Variants in UNC5C observed in about 807,000 individuals in gnomAD.
UNC5C encodes the protein netrin receptor UNC5C.
A neutral mutation model predicts 99.8 loss-of-function variants in UNC5C; 47 were observed. The observed-to-expected ratio is 0.47, with a 90% CI of 0.37 to 0.60. The LOEUF (loss-of-function observed/expected upper bound fraction) is 0.60. UNC5C is among the 20% of genes least tolerant of loss of function. The probability of loss-of-function intolerance (pLI) is 0.00; values close to 1 mark genes in which losing one functional copy is unlikely to be tolerated. For missense variants in UNC5C, 1,062 were observed against 1,165.9 expected (o/e 0.91, Z 1.30); for synonymous variants, 487 against 452.2 (o/e 1.08, Z -0.98).
chr4:95,391,213 T>A (rs1472302993), intron 1 of UNC5C, among the ~76,000 whole-genome samples: 1 of 152,112 alleles, frequency 6.6e-6, no homozygotes, highest in African/African-American at 2.4e-5. Context: ...AATTACCCAG[T>A]CTCAGGTATT....
chr4:95,370,711 C>T (rs547533375), intron 1 of UNC5C, among the ~76,000 whole-genome samples: 1 of 152,286 alleles, frequency 6.6e-6, no homozygotes, highest in South Asian at 2.1e-4. Context: ...GCAAACTGCA[C>T]CACCCATTGT....
intron 7 of UNC5C, among the ~76,000 whole-genome samples, chr4:95,236,949 C>A (rs1383823478): frequency 2.6e-5 from 4 of 152,172 alleles, no homozygotes; most frequent in Non-Finnish European, 5.9e-5. Context: ...TCCAGAACCA[C>A]CCCTGACCAT....
At chr4:95,342,269 G>C (rs1743607490) in intron 1 of UNC5C, among the ~76,000 whole-genome samples, 1 of 152,080 alleles carries the variant, frequency 6.6e-6, no homozygotes, top group Non-Finnish European at 1.5e-5. Context: ...TCTGCTTGAG[G>C]AGAGGAGAGG....
At chr4:95,389,478 A>T (rs13120890) in intron 1 of UNC5C, among the ~76,000 whole-genome samples, 114,798 of 152,062 alleles carry the variant, frequency 0.75, 44,151 homozygotes, top group East Asian at 0.94. Context: ...CTAGAACGAT[A>T]ATTCTATCTG....
chr4:95,181,575 C>T (rs940915430), intron 14 of UNC5C, among the ~76,000 whole-genome samples: 1 of 152,050 alleles, frequency 6.6e-6, no homozygotes, highest in Non-Finnish European at 1.5e-5. Context: ...AACACCCTCC[C>T]GAGCCAGCAG....
intron 1 of UNC5C, among the ~76,000 whole-genome samples, chr4:95,370,893 T>C (rs139640510): frequency 3.3e-5 from 5 of 152,310 alleles, no homozygotes. Context: ...TGGTCATTCG[T>C]TTTTCTAATA....
chr4:95,411,411 C>G, intron 1 of UNC5C, among the ~76,000 whole-genome samples: 1 of 152,184 alleles, frequency 6.6e-6, no homozygotes, highest in African/African-American at 2.4e-5. Context: ...CATTTCCCAA[C>G]CTTGCAATTT....
chr4:95,429,633 C>A (rs778320457), intron 1 of UNC5C, among the ~76,000 whole-genome samples: 1 of 152,030 alleles, frequency 6.6e-6, no homozygotes, highest in African/African-American at 2.4e-5. Context: ...CGAATCAGAT[C>A]GGGGCCAAAG....
At chr4:95,245,333 GAA>G (rs567583946) in intron 5 of UNC5C, among the ~76,000 whole-genome samples, 189 bp from the exon 6 acceptor site, 1 of 148,358 alleles carries the variant, frequency 6.7e-6, no homozygotes, top group African/African-American at 2.5e-5. Flanking sequence ...TATAGACAGA[GAA>G]AAAAAAAAGT....
chr4:95,246,294 T>G (rs1043446420), intron 5 of UNC5C, among the ~76,000 whole-genome samples: 4 of 152,162 alleles, frequency 2.6e-5, no homozygotes, highest in African/African-American at 9.7e-5. Flanking sequence ...CAGTGGCTCA[T>G]GCTTGTAACC....
chr4:95,479,234 T>A (rs1231991144), intron 1 of UNC5C, among the ~76,000 whole-genome samples: 1 of 152,024 alleles, frequency 6.6e-6, no homozygotes, highest in Non-Finnish European at 1.5e-5. Flanking sequence ...CAGATTTGTC[T>A]TGATTTCAAA....
chr4:95,431,692 A>G (rs1400118546), intron 1 of UNC5C, among the ~76,000 whole-genome samples: 1 of 152,116 alleles, frequency 6.6e-6, no homozygotes, highest in East Asian at 1.9e-4. Context: ...TCCTCCCTAC[A>G]GGAAATAGAG....
At chr4:95,243,901 G>A (rs1360014033) in intron 6 of UNC5C, among the ~76,000 whole-genome samples, 1 of 152,240 alleles carries the variant, frequency 6.6e-6, no homozygotes, top group African/African-American at 2.4e-5. Flanking sequence ...GTGGGAGTCA[G>A]CTCCTATAAA....
At chr4:95,529,489 G>C (rs1008247587) in intron 1 of UNC5C, among the ~76,000 whole-genome samples, 2 of 151,756 alleles carry the variant, frequency 1.3e-5, no homozygotes, top group South Asian at 4.1e-4. Context: ...CACTTTGGGA[G>C]CCCAGGCAGG....
chr4:95,520,690 C>T (rs993918315), intron 1 of UNC5C, among the ~76,000 whole-genome samples: 3 of 151,552 alleles, frequency 2.0e-5, no homozygotes, highest in African/African-American at 7.3e-5. Context: ...GCTCTGCCTC[C>T]CAGGTTCACG....
At chr4:95,274,315 C>T in intron 4 of UNC5C, among the ~76,000 whole-genome samples, 1 of 152,078 alleles carries the variant, frequency 6.6e-6, no homozygotes, top group East Asian at 1.9e-4. Flanking sequence ...TTCTGGATAC[C>T]CTGTGACCCG....
chr4:95,356,684 A>G (rs1303379677), intron 1 of UNC5C, among the ~76,000 whole-genome samples: 2 of 152,150 alleles, frequency 1.3e-5, no homozygotes, highest in Non-Finnish European at 2.9e-5. Flanking sequence ...GTGTATCAGG[A>G]CTGTGTGAGA....
intron 1 of UNC5C, among the ~76,000 whole-genome samples, chr4:95,366,209 G>C (rs1199268505): frequency 6.6e-6 from 1 of 152,136 alleles, no homozygotes; most frequent in Non-Finnish European, 1.5e-5. Flanking sequence ...TGCACCTGTA[G>C]TCCCAGCTAC....
chr4:95,235,103 T>A (rs1739060308), intron 7 of UNC5C, among the ~76,000 whole-genome samples: 1 of 152,178 alleles, frequency 6.6e-6, no homozygotes, highest in South Asian at 2.1e-4. Flanking sequence ...TTCATACAAC[T>A]AGGGTTTTAT....
Sources: allele counts gnomAD v4.1 joint callset (sites outside exome capture counted in the v4.1 genomes callset), GRCh38; gene constraint gnomAD v4.1.1; transcripts MANE v1.5; gene names NCBI Gene and HGNC (gene_info 2026-07-23, HGNC 2026-07-21).